ATP12A: variants seen among roughly 807,000 people sequenced by gnomAD.
The protein encoded by ATP12A is potassium-transporting ATPase alpha chain 2.
Under a neutral mutation model 111.2 loss-of-function variants are expected in ATP12A, and 81 were observed. That is an observed-to-expected ratio of 0.73 (90% CI 0.61 to 0.88). The LOEUF (loss-of-function observed/expected upper bound fraction) is 0.88, where lower values mean the gene tolerates loss of function less well. Among genes scored for constraint, ATP12A ranks in the 40% least tolerant of loss-of-function variants. The probability of loss-of-function intolerance (pLI) is 0.00; values close to 1 mark genes in which losing one functional copy is unlikely to be tolerated. For missense variants in ATP12A, 1,196 were observed against 1,313.1 expected, an observed-to-expected ratio of 0.91 and a Z score of 1.38; for synonymous variants, 498 against 499.8, an observed-to-expected ratio of 1.00 and a Z score of 0.05.
At chr13:24,708,963 AGGAAAG>A (rs1388526610) in intron 17 of ATP12A, among the ~76,000 whole-genome samples, 1 of 109,812 alleles carries the variant, frequency 9.1e-6, no homozygotes, top group African/African-American at 3.6e-5. Context: ...GAAAGAAAGA[AGGAAAG>A]AGAAAGAGAA....
At chr13:24,686,830 T>C (rs1050184865) in intron 3 of ATP12A, among the ~76,000 whole-genome samples, 2 of 151,740 alleles carry the variant, frequency 1.3e-5, no homozygotes, top group Admixed American at 6.6e-5. Context: ...TTGCGGGGAT[T>C]TTTATTGAGC....
chr13:24,705,793 C>G (rs939152572), intron 14 of ATP12A, among the ~76,000 whole-genome samples: 8 of 152,176 alleles, frequency 5.3e-5, no homozygotes, highest in African/African-American at 1.9e-4. Flanking sequence ...CCTCAGCCTG[C>G]TGAGTAGCTG....
chr13:24,707,164 G>C lies in ATP12A; in HGVS notation c.2311G>C (p.Ala771Pro). Residue 771 changes from alanine to proline, a missense_variant, in exon 16 of 23, where the codon GCA becomes CCA. By Grantham distance (27) the Ala-to-Pro change is conservative (BLOSUM62 -1). Coordinates refer to ENST00000381946, the MANE Select transcript of ATP12A (RefSeq NM_001676.7). ...CATGGTCTTGCTGGACGACAACTTC[G>C]CATCCATCGTCACAGGGGTGGAGGA... Reference protein sequence around the residue: ...ADMVLLDDNFASIVTGVEEGR... With the variant: ...ADMVLLDDNFPSIVTGVEEGR... 6.2e-7 allele frequency: 1 copy of C among 1,613,996 alleles called. No individual in the cohort carries two copies. The highest frequency in any genetic ancestry group is 8.5e-7 in the Non-Finnish European group (1 of 1,179,906).
In ATP12A at chr13:24,706,416, AC is replaced by A; in HGVS notation, c.2123del (p.Thr708AsnfsTer7). 1 of 1,614,222 alleles carries A rather than the reference AC, an allele frequency of 6.2e-7. No individual in the cohort carries two copies. Among genetic ancestry groups the A allele is most frequent in the Non-Finnish European group, 8.5e-7 (1 of 1,180,032 alleles). ...ANYQEIVFAR[T>X]SPQQKLIIVE... ...CTACCAGGAGATTGTCTTTGCCCGG[AC>A]ATCCCCCCAGCAGAAGCTGATCATT... On this transcript the variant is annotated frameshift_variant, in exon 15 of 23. Transcript: ENST00000381946. LOFTEE classifies it high-confidence loss of function.
chr13:24,692,793 T>A lies in ATP12A; in HGVS notation c.1274T>A (p.Val425Asp). ...TTCTTTCTCTGTCTTCCAGACCAAGTCTTTGACCAAAGCTCTAGGACTTGG... is the reference window on the plus strand; with the variant it reads ...TTCTTTCTCTGTCTTCCAGACCAAGACTTTGACCAAAGCTCTAGGACTTGG... Reference protein sequence around the residue: ...ADTSEDHSNQVFDQSSRTWAS... With the variant: ...ADTSEDHSNQDFDQSSRTWAS... The change falls in exon 10 of 23, where the codon GTC becomes GAC. Residue 425 changes from valine to aspartate, a missense_variant. Around this residue, in one of 3 missense-constraint regions of ATP12A, gnomAD observed 1,126 missense variants for 1,228.5 expected, o/e 0.92. Transcript: ENST00000381946. The A allele has an allele frequency of 6.2e-7, 1 of 1,614,132 alleles. No homozygotes were observed. The highest frequency in any genetic ancestry group is 8.5e-7 in the Non-Finnish European group (1 of 1,179,954).
At position 24,700,806 on chromosome 13, in the gene ATP12A, G is replaced by A; in HGVS notation, c.1765G>A (p.Asp589Asn). The A allele has an allele frequency of 6.2e-7, 1 of 1,613,990 alleles. No homozygotes were observed. The highest frequency in any genetic ancestry group is 1.1e-5 in the South Asian group (1 of 91,058). ...TCCAGAAACCTACTCATTTGACATA[G>A]ACGCTATGAACTTTCCGACCTCCAA... ...EFPETYSFDIDAMNFPTSNLC... is the reference protein window; with the variant it reads ...EFPETYSFDINAMNFPTSNLC... Residue 589 changes from aspartate to asparagine, a missense_variant, in exon 13 of 23, where the codon GAC becomes AAC. Physicochemically the swap from Asp to Asn is conservative, Grantham distance 23. Transcript: ENST00000381946.
Position 24,707,194 on chromosome 13 carries a change from G to C in ATP12A, c.2338+3G>C, listed in dbSNP as rs1190126764. 8 of 1,613,376 alleles carry C rather than the reference G, an allele frequency of 5.0e-6. No individual in the cohort carries two copies. The highest frequency in any genetic ancestry group is 6.8e-6 in the Non-Finnish European group (8 of 1,179,612). ...CATCGTCACAGGGGTGGAGGAAGGTGAGTGAGTCTCAGGGGGTCTTCCCAA... is the reference window on the plus strand; with the variant it reads ...CATCGTCACAGGGGTGGAGGAAGGTCAGTGAGTCTCAGGGGGTCTTCCCAA... On this transcript the variant is annotated splice_donor_region_variant and intron_variant, in intron 16 of 22. Transcript: ENST00000381946.
chr13:24,707,404 A>G lies in ATP12A; in HGVS notation c.2464A>G (p.Ile822Val), dbSNP rs1301453739. The change falls in exon 17 of 23, where the codon ATT (isoleucine) becomes GTT (valine). Residue 822 changes from isoleucine (I) to valine (V), a missense_variant. Ile to Val is a conservative substitution (Grantham distance 29). Around this residue, in one of 3 missense-constraint regions of ATP12A, gnomAD observed 1,126 missense variants for 1,228.5 expected, o/e 0.92. Transcript: ENST00000381946. Reference protein sequence around the residue: ...GLPLPIGTITILFIDLGTDII... With the variant: ...GLPLPIGTITVLFIDLGTDII... Reference sequence around the variant, plus strand: ...CCCCCTGCCCATTGGCACCATCACCATTCTGTTCATTGACTTGGGGACAGA... The same window carrying G: ...CCCCCTGCCCATTGGCACCATCACCGTTCTGTTCATTGACTTGGGGACAGA... 6.2e-7 allele frequency: 1 copy of G among 1,614,164 alleles called. No homozygotes were observed. Among genetic ancestry groups the G allele is most frequent in the South Asian group, 1.1e-5 (1 of 91,086 alleles).
At chr13:24,682,709 G>A (rs1391734879) in intron 2 of ATP12A, among the ~76,000 whole-genome samples, 1 of 152,220 alleles carries the variant, frequency 6.6e-6, no homozygotes. Flanking sequence ...AGTTTCAGTG[G>A]TAAAAATGTG....
intron 5 of ATP12A, 56 bp from the exon 6 acceptor site, chr13:24,690,282 G>A (rs1296241342): frequency 1.9e-5 from 30 of 1,597,888 alleles, no homozygotes; most frequent in Non-Finnish European, 2.0e-5. Context: ...ACAGACTTGG[G>A]GGAGGGCCGG....
intron 14 of ATP12A, chr13:24,704,860 C>CCA (rs1289230204): frequency 6.5e-6 from 1 of 152,990 alleles, no homozygotes; most frequent in Non-Finnish European, 1.5e-5. Flanking sequence ...ATACAAATCA[C>CCA]CACACTGAGT....
At chr13:24,707,491 G>C (rs554148256) in intron 17 of ATP12A, 58 bp downstream of exon 17, 3 of 1,605,172 alleles carry the variant, frequency 1.9e-6, no homozygotes, top group South Asian at 2.2e-5. Context: ...GTCAAGTTCA[G>C]GGTCGCTACC....
intron 12 of ATP12A, 91 bp downstream of exon 12, chr13:24,698,941 T>C (rs1875284455): frequency 6.9e-7 from 1 of 1,446,472 alleles, no homozygotes; most frequent in African/African-American, 1.4e-5. Context: ...CCAGTGGCCA[T>C]GGCATCCACG....
At chr13:24,709,958 C>G in intron 19 of ATP12A, 130 bp downstream of exon 19, 2 of 1,350,158 alleles carry the variant, frequency 1.5e-6, no homozygotes, top group Non-Finnish European at 2.0e-6. Flanking sequence ...GCTCAGGGCC[C>G]CCTTGCTGAC....
At position 24,692,852 on chromosome 13, in the gene ATP12A, C is replaced by T. The variant is rs759577074; in HGVS notation, c.1333C>T (p.Arg445Ter). The change falls in exon 10 of 23, where the codon CGA becomes TGA. Residue 445 changes from arginine (R) to a stop codon, truncating the protein, a stop_gained. Transcript: ENST00000381946. LOFTEE classifies it high-confidence loss of function. ...SLSKIITLCN[R>*]AEFKPGQENV... ...ATCCAAGATAATAACATTGTGTAACCGAGCAGAGTTCAAGCCAGGACAGGA... is the reference window on the plus strand; with the variant it reads ...ATCCAAGATAATAACATTGTGTAACTGAGCAGAGTTCAAGCCAGGACAGGA... The T allele has an allele frequency of 1.9e-5, 31 of 1,614,046 alleles. No individual in the cohort carries two copies. The highest frequency in any genetic ancestry group is 5.0e-5 in the Admixed American group (3 of 59,994).
chr13:24,696,787 C>T (rs983539403), intron 11 of ATP12A, among the ~76,000 whole-genome samples: 2 of 147,874 alleles, frequency 1.4e-5, no homozygotes, highest in Admixed American at 1.3e-4. Flanking sequence ...CTGAAGAGGT[C>T]GGAGGTGCTG....
rs1394325643 is a variant in ATP12A, at chr13:24,707,201, T to C, written c.2338+10T>C. 6.2e-7 allele frequency: 1 copy of C among 1,612,898 alleles called. No individual in the cohort carries two copies. Among genetic ancestry groups the C allele is most frequent in the Admixed American group, 1.7e-5 (1 of 59,980 alleles). ...ACAGGGGTGGAGGAAGGTGAGTGAG[T>C]CTCAGGGGGTCTTCCCAAGGGCCAG... On this transcript the variant is annotated intron_variant, in intron 16 of 22. Transcript: ENST00000381946.
Position 24,711,359 on chromosome 13 carries a change from T to C in ATP12A, c.3041T>C (p.Ile1014Thr). The C allele has an allele frequency of 6.2e-7, 1 of 1,610,620 alleles. No individual in the cohort carries two copies. The highest frequency in any genetic ancestry group is 2.2e-5 in the East Asian group (1 of 44,860). Residue 1014 changes from isoleucine (I) to threonine (T), a missense_variant, in exon 22 of 23, where the codon ATC (isoleucine) becomes ACC (threonine). Ile to Thr is a moderately conservative substitution (Grantham distance 89, BLOSUM62 -1). Around this residue, in one of 3 missense-constraint regions of ATP12A, gnomAD observed 1,126 missense variants for 1,228.5 expected, o/e 0.92. Coordinates refer to ENST00000381946, the MANE Select transcript of ATP12A (RefSeq NM_001676.7). The part of the protein sequence containing the change: ...WFVAVPHAIL[I>T]WVYDEVRKLF... ...GTGGCTGTGCCGCACGCCATCCTGA[T>C]CTGGGTGTATGATGAGGTGCGGAAG...
chr13:24,689,455 G>C lies in ATP12A; in HGVS notation c.546+80G>C, dbSNP rs1375076918. On this transcript the variant is annotated intron_variant, in intron 5 of 22. Transcript: ENST00000381946. ...TCAGCTGGGAGGGGCACAGGGCCCTGAGGGCTACGGGTTTCCACTTCCTTC... is the reference window on the plus strand; with the variant it reads ...TCAGCTGGGAGGGGCACAGGGCCCTCAGGGCTACGGGTTTCCACTTCCTTC... The C allele has an allele frequency of 4.2e-5, 52 of 1,251,866 alleles. 1 individual carries two copies. In the South Asian group the frequency reaches 6.4e-4, roughly 16 times the overall value. The allele number at this position is 1,251,866 out of a possible 1,614,324, so 77.5% of individuals were successfully genotyped here.
Sources: gnomAD v4.1 joint callset for allele counts (sites outside exome capture counted in the v4.1 genomes callset) on GRCh38, gnomAD v4.1.1 for gene constraint, gnomAD v4.1.1 regional missense constraint, MANE v1.5 for transcripts, NCBI Gene and HGNC (gene_info 2026-07-23, HGNC 2026-07-21) for gene names.